Variants in PPEF1 observed in about 807,000 individuals in gnomAD.
PPEF1 encodes serine/threonine-protein phosphatase with EF-hands 1.
A neutral mutation model predicts 53.3 loss-of-function variants in PPEF1; 12 were observed. The observed-to-expected ratio is 0.23, with a 90% confidence interval of 0.14 to 0.36. PPEF1 has a LOEUF of 0.36. PPEF1 is among the 10% of genes least tolerant of loss of function. The pLI is 1.00. For missense variants in PPEF1, 334 were observed against 490.4 expected (o/e 0.68, Z 3.01); for synonymous variants, 165 against 176.7 (o/e 0.93, Z 0.52).
Position 18,743,446 on chromosome X carries a change from C to CTTTTTTTTTTTTTTTTTTTTTTTT in PPEF1, c.236-6325_236-6324insTTTTTTTTTTTTTTTTTTTTTTTT, listed in dbSNP as rs72264344. 2.9e-4 allele frequency among the ~76,000 whole-genome samples: 17 copies of CTTTTTTTTTTTTTTTTTTTTTTTT among 59,326 alleles called. 1 individual carries two copies. The highest frequency in any genetic ancestry group is 1.2e-3 in the African/African-American group (17 of 13,862). The allele number at this position is 59,326 out of a possible 115,157, so 51.5% of individuals were successfully genotyped here. A position where few individuals can be genotyped will look rare whatever the true frequency, so the allele number is the denominator to read the frequency against. On this transcript the variant is annotated intron_variant, in intron 3 of 15. Transcript: ENST00000470157. ...TTTTTCTTTTCTTTTTTCTCTTTTTCTTTTTTTTTTTTTTTTTTTTTGAGA... is the reference window on the plus strand; with the variant it reads ...TTTTTCTTTTCTTTTTTCTCTTTTTCTTTTTTTTTTTTTTTTTTTTTTTTTTTTTTTTTTTTTTTTTTTTTGAGA...
upstream of PPEF1, among the ~76,000 whole-genome samples, chrX:18,678,488 C>T (rs1928761956): frequency 2.7e-5 from 3 of 111,181 alleles, no homozygotes; most frequent in African/African-American, 9.8e-5. Flanking sequence ...AATTCCACTT[C>T]CACCTGTGCC....
chrX:18,733,209 A>G (rs2044879692), intron 2 of PPEF1, among the ~76,000 whole-genome samples: 2 of 111,647 alleles, frequency 1.8e-5, no homozygotes, highest in Admixed American at 9.6e-5. Context: ...TCCATCTTAA[A>G]AAAAAGAAAA....
Position 18,779,065 on chromosome X carries a change from G to A in PPEF1, c.614G>A (p.Arg205Gln). ...GTTTTTAATGGTGACTTTGTAGATC[G>A]AGGAAAGAATTCCATAGAGATCCTA... ...PYVFNGDFVD[R>Q]GKNSIEILMI... The change falls in exon 7 of 16, where the codon CGA becomes CAA. Residue 205 changes from arginine (R) to glutamine (Q), a missense_variant. By Grantham distance (43) the Arg-to-Gln change is conservative. Transcript: ENST00000470157. 8.3e-7 allele frequency: 1 copy of A among 1,198,857 alleles called. No individual in the cohort carries two copies. Among genetic ancestry groups the A allele is most frequent in the Non-Finnish European group, 1.1e-6 (1 of 886,155 alleles).
intron 1 of PPEF1, among the ~76,000 whole-genome samples, chrX:18,715,321 C>T (rs1370392487): frequency 9.0e-6 from 1 of 111,508 alleles, no homozygotes. Context: ...CACTTGAGGT[C>T]AGGAGTTCAA....
At chrX:18,797,067 A>G (rs766228454) in intron 10 of PPEF1, among the ~76,000 whole-genome samples, 223 of 111,214 alleles carry the variant, frequency 2.0e-3, no homozygotes, top group Middle Eastern at 9.2e-3. Flanking sequence ...CCCCACACAC[A>G]TGATCAGAGC....
chrX:18,824,299 G>A (rs1036732920), intron 14 of PPEF1, among the ~76,000 whole-genome samples: 2 of 111,088 alleles, frequency 1.8e-5, no homozygotes, highest in Admixed American at 1.9e-4. Flanking sequence ...AATCAGCCGG[G>A]TGTGGTCGTG....
At chrX:18,786,506 G>A (rs1359186563) in intron 9 of PPEF1, among the ~76,000 whole-genome samples, 1 of 111,579 alleles carries the variant, frequency 9.0e-6, no homozygotes, top group Non-Finnish European at 1.9e-5. Context: ...TGGTGGCCAG[G>A]CGCAGTGGCT....
chrX:18,757,892 T>C (rs1193866852), intron 5 of PPEF1, 151 bp downstream of exon 5: 1 of 380,562 alleles, frequency 2.6e-6, no homozygotes, highest in Non-Finnish European at 4.5e-6. Context: ...TTCCCCATCT[T>C]GTCTTTGTTT....
At chrX:18,819,170 G>T (rs1281758352) in intron 13 of PPEF1, among the ~76,000 whole-genome samples, 2 of 111,828 alleles carry the variant, frequency 1.8e-5, no homozygotes, top group African/African-American at 3.2e-5. Context: ...ACTACCATGA[G>T]TGAGAGTCAG....
At chrX:18,731,438 T>A (rs374020664) in intron 2 of PPEF1, among the ~76,000 whole-genome samples, 1 of 112,678 alleles carries the variant, frequency 8.9e-6, no homozygotes. Context: ...AATGATATAC[T>A]GTGATTCAGT....
chrX:18,790,991 A>G (rs1437076721), intron 10 of PPEF1, among the ~76,000 whole-genome samples: 2 of 111,475 alleles, frequency 1.8e-5, no homozygotes, highest in Non-Finnish European at 3.8e-5. Context: ...TTTCTTAAAA[A>G]GACTATACTT....
chrX:18,694,427 A>G (rs907122973), intron 4 of PPEF1, among the ~76,000 whole-genome samples: 5 of 111,017 alleles, frequency 4.5e-5, no homozygotes, highest in Non-Finnish European at 9.4e-5. Flanking sequence ...GTTGCTCCAC[A>G]TTCTAGCCAG....
intron 5 of PPEF1, among the ~76,000 whole-genome samples, chrX:18,698,678 G>A (rs1929872804): frequency 9.0e-6 from 1 of 111,493 alleles, no homozygotes. Context: ...CCAGCTCCTC[G>A]GGAGGCTGAG....
intron 9 of PPEF1, among the ~76,000 whole-genome samples, chrX:18,785,676 A>C (rs1220039742): frequency 9.0e-6 from 1 of 111,136 alleles, no homozygotes; most frequent in African/African-American, 3.3e-5. Context: ...TGGGACCAGG[A>C]GTTTGAGACC....
chrX:18,758,885 C>T (rs748341267), intron 5 of PPEF1, among the ~76,000 whole-genome samples: 6 of 111,596 alleles, frequency 5.4e-5, no homozygotes, highest in East Asian at 5.6e-4. Context: ...AGAAGACACA[C>T]GTTAATTACA....
At chrX:18,737,641 G>A (rs1193200581) in intron 3 of PPEF1, among the ~76,000 whole-genome samples, 1 of 111,698 alleles carries the variant, frequency 9.0e-6, no homozygotes, top group Non-Finnish European at 1.9e-5. Context: ...TATTAGGTCT[G>A]CTTGGTGCAG....
intron 1 of PPEF1, 49 bp from the exon 2 acceptor site, chrX:18,730,132 G>T: frequency 2.6e-6 from 3 of 1,166,404 alleles, no homozygotes; most frequent in Non-Finnish European, 3.4e-6. Flanking sequence ...CTCCTAACAG[G>T]TGCATAGTAA....
At chrX:18,793,431 A>G (rs1281543266) in intron 10 of PPEF1, among the ~76,000 whole-genome samples, 2 of 111,562 alleles carry the variant, frequency 1.8e-5, no homozygotes, top group Non-Finnish European at 3.8e-5. Flanking sequence ...CCTGATTTAA[A>G]TTCCTTTAAA....
At chrX:18,778,973 T>C (rs372877993) in intron 6 of PPEF1, 37 bp from the exon 7 acceptor site, 763 of 1,134,094 alleles carry the variant, frequency 6.7e-4, no homozygotes, top group Non-Finnish European at 8.8e-4. Flanking sequence ...GTATATTCTT[T>C]TAATTCCTTG....
Sources: allele counts gnomAD v4.1 joint callset (sites outside exome capture counted in the v4.1 genomes callset), GRCh38; gene constraint gnomAD v4.1.1; transcripts MANE v1.5; gene names NCBI Gene and HGNC (gene_info 2026-07-23, HGNC 2026-07-21).